Variants in NAV2 observed in about 807,000 individuals in gnomAD.
The protein encoded by NAV2 is helicase, APC down-regulated 1.
In NAV2, 54 loss-of-function variants were observed where a neutral mutation model predicts 223.2. The ratio of observed to expected loss-of-function variants is 0.24; its 90% confidence interval spans 0.19 to 0.30. NAV2 has a LOEUF of 0.30. Among genes scored for constraint, NAV2 ranks in the 10% least tolerant of loss-of-function variants. The pLI is 1.00. For synonymous variants in NAV2, 1,279 were observed against 1,239.3 expected, an observed-to-expected ratio of 1.03 and a Z score of -0.67; for missense variants, 2,806 against 3,147.5, an observed-to-expected ratio of 0.89 and a Z score of 2.60.
chr11:19,963,828 G>A (rs1170513487), intron 10 of NAV2, among the ~76,000 whole-genome samples: 2 of 152,228 alleles, frequency 1.3e-5, no homozygotes. Flanking sequence ...GAGGTGCTCA[G>A]AGGCAGGAAA....
chr11:19,564,045 T>C (rs1012351574), intron 1 of NAV2, among the ~76,000 whole-genome samples: 3 of 152,248 alleles, frequency 2.0e-5, no homozygotes, highest in Non-Finnish European at 4.4e-5. Context: ...CCTGTTCACA[T>C]GGAGGCCAGC....
At chr11:19,631,285 T>C (rs2047339249) in intron 1 of NAV2, among the ~76,000 whole-genome samples, 1 of 141,528 alleles carries the variant, frequency 7.1e-6, no homozygotes, top group Non-Finnish European at 1.5e-5. Context: ...GTCCCCGGCG[T>C]GTGATGTTCC....
chr11:19,721,086 A>AAATATTT (rs2050712307), intron 1 of NAV2, among the ~76,000 whole-genome samples: 1 of 152,232 alleles, frequency 6.6e-6, no homozygotes, highest in African/African-American at 2.4e-5. Flanking sequence ...AGGTAGACCC[A>AAATATTT]AATATTTGAA....
rs149948593 is a variant in NAV2 at position 19,844,811 on chromosome 11, G to T, written c.438+1888G>T. Among the ~76,000 whole-genome samples the T allele has an allele frequency of 6.7e-3, 994 of 148,436 alleles. 11 individuals are homozygous for T. The highest frequency in any genetic ancestry group is 0.024 in the African/African-American group (942 of 40,046). ...TTTTTTTGTTTTTGTTTTTGTGTGT[G>T]TGAACTGTGTGTTTTTTTTTTTTTT... On this transcript the variant is annotated intron_variant, in intron 3 of 37. Coordinates refer to ENST00000349880, the MANE Select transcript of NAV2 (RefSeq NM_145117.5).
intron 1 of NAV2, among the ~76,000 whole-genome samples, chr11:19,734,802 C>A (rs954113012): frequency 5.9e-5 from 9 of 152,062 alleles, no homozygotes; most frequent in African/African-American, 2.2e-4. Flanking sequence ...CCCAGATTCC[C>A]AAAAAAGTCA....
chr11:20,098,444 C>G (rs1032480682), intron 31 of NAV2, among the ~76,000 whole-genome samples: 8 of 152,196 alleles, frequency 5.3e-5, no homozygotes, highest in African/African-American at 1.7e-4. Context: ...TTGTAAAACC[C>G]TATCATTTCC....
intron 33 of NAV2, 94 bp from the exon 34 acceptor site, chr11:20,103,559 G>A: frequency 6.6e-7 from 1 of 1,513,804 alleles, no homozygotes; most frequent in Non-Finnish European, 9.2e-7. Context: ...GCTGTCCACT[G>A]GCCTGGAAGC....
intron 1 of NAV2, among the ~76,000 whole-genome samples, chr11:19,625,025 G>A (rs2047124137): frequency 6.6e-6 from 1 of 152,192 alleles, no homozygotes; most frequent in Non-Finnish European, 1.5e-5. Flanking sequence ...GGGCTAATTA[G>A]CATATTCATC....
intron 1 of NAV2, among the ~76,000 whole-genome samples, chr11:19,474,853 C>T (rs2042069131): frequency 6.6e-6 from 1 of 152,234 alleles, no homozygotes; most frequent in Non-Finnish European, 1.5e-5. Flanking sequence ...CTCTGCCTCT[C>T]TACACCTCAG....
Position 19,422,953 on chromosome 11 carries a change from T to C in NAV2, c.75+71926T>C, listed in dbSNP as rs75145075. Among the ~76,000 whole-genome samples, 789 of 152,328 alleles carry C rather than the reference T, an allele frequency of 5.2e-3. 5 individuals carry two copies. The highest frequency in any genetic ancestry group is 0.018 in the African/African-American group (731 of 41,570). On this transcript the variant is annotated intron_variant, in intron 1 of 37. Coordinates refer to the NAV2 transcript ENST00000360655. ...GAGACTTCCTCTCTCTTGGCCATTG[T>C]TGTAAATCTAAAAGAGTCAAAAACT...
chr11:19,774,222 G>A (rs2055946134), intron 1 of NAV2, among the ~76,000 whole-genome samples: 1 of 152,188 alleles, frequency 6.6e-6, no homozygotes, highest in Non-Finnish European at 1.5e-5. Context: ...TGTTGCCCAG[G>A]CTGGAGTACA....
rs577610397 is a variant in NAV2 at position 20,087,108 on chromosome 11, G to A, written c.5499-3757G>A. ...CAGAAAGAGGGAGTTACAGCTGCCG[G>A]CCAGCAAGGTGGGAGGAAACCTGGG... On this transcript the variant is annotated intron_variant, in intron 26 of 37. Transcript: ENST00000349880. Among the ~76,000 whole-genome samples the A allele has an allele frequency of 3.3e-4, 51 of 152,304 alleles. 1 individual carries two copies. The highest frequency in any genetic ancestry group is 1.2e-3 in the African/African-American group (48 of 41,570).
chr11:19,840,652 G>A (rs2060461707), intron 2 of NAV2, among the ~76,000 whole-genome samples: 1 of 152,106 alleles, frequency 6.6e-6, no homozygotes, highest in Admixed American at 6.6e-5. Flanking sequence ...AATTTCCCAG[G>A]TATGGAAGAG....
intron 1 of NAV2, among the ~76,000 whole-genome samples, chr11:19,673,719 G>A (rs765509556): frequency 6.6e-6 from 1 of 152,154 alleles, no homozygotes; most frequent in Admixed American, 6.5e-5. Context: ...AAGCACCAAA[G>A]CTTGCAACTT....
At chr11:19,495,545 C>T (rs2042765917) in intron 1 of NAV2, among the ~76,000 whole-genome samples, 1 of 152,170 alleles carries the variant, frequency 6.6e-6, no homozygotes, top group Non-Finnish European at 1.5e-5. Context: ...ACAGAAAATA[C>T]TTAGAAATGA....
intron 1 of NAV2, among the ~76,000 whole-genome samples, chr11:19,454,020 CG>C (rs1430613118): frequency 6.6e-6 from 1 of 152,162 alleles, no homozygotes; most frequent in African/African-American, 2.4e-5. Context: ...CCGCCTTGGA[CG>C]TAGATTCTGC....
chr11:19,672,809 G>A (rs533699902), intron 1 of NAV2, among the ~76,000 whole-genome samples: 6 of 152,258 alleles, frequency 3.9e-5, no homozygotes, highest in Non-Finnish European at 7.3e-5. Flanking sequence ...AGGGGTCAGG[G>A]AACCATGCAG....
At chr11:19,977,633 G>A (rs995304643) in intron 10 of NAV2, among the ~76,000 whole-genome samples, 2 of 151,956 alleles carry the variant, frequency 1.3e-5, no homozygotes, top group Admixed American at 6.6e-5. Context: ...TGTTTCCTTA[G>A]CAAAATTTTA....
chr11:19,919,261 C>A (rs1411103030), intron 6 of NAV2, among the ~76,000 whole-genome samples: 1 of 151,030 alleles, frequency 6.6e-6, no homozygotes, highest in East Asian at 1.9e-4. Context: ...CCAAGCTGGT[C>A]TGTGAGTGAG....
Sources: gnomAD v4.1 joint callset for allele counts (sites outside exome capture counted in the v4.1 genomes callset) on GRCh38, gnomAD v4.1.1 for gene constraint, MANE v1.5 for transcripts, NCBI Gene and HGNC (gene_info 2026-07-23, HGNC 2026-07-21) for gene names.